Variants in KLHL3 observed in about 807,000 individuals in gnomAD.
The protein encoded by KLHL3 is kelch-like protein 3.
Under a neutral mutation model 70.5 loss-of-function variants are expected in KLHL3, and 19 were observed. That is an observed-to-expected ratio of 0.27 (90% CI 0.19 to 0.40). The LOEUF (loss-of-function observed/expected upper bound fraction) is 0.40, where lower values mean the gene tolerates loss of function less well. Among genes scored for constraint, KLHL3 ranks in the 10% least tolerant of loss-of-function variants. The probability of loss-of-function intolerance (pLI) is 1.00; values close to 1 mark genes in which losing one functional copy is unlikely to be tolerated. For synonymous variants in KLHL3, 258 were observed against 290.3 expected (o/e 0.89, Z 1.13); for missense variants, 512 against 771.1 (o/e 0.66, Z 3.98).
chr5:137,688,803 G>C (rs1226218968), intron 5 of KLHL3, among the ~76,000 whole-genome samples: 1 of 152,200 alleles, frequency 6.6e-6, no homozygotes, highest in Non-Finnish European at 1.5e-5. Context: ...CCAATAAAAT[G>C]CTTAGCATAG....
chr5:137,729,466 C>T (rs1162164749), intron 1 of KLHL3, among the ~76,000 whole-genome samples: 2 of 152,182 alleles, frequency 1.3e-5, no homozygotes, highest in Non-Finnish European at 2.9e-5. Context: ...TCTGTAAATA[C>T]TCCAATGCCA....
At chr5:137,649,426 T>C (rs1312431141) in intron 8 of KLHL3, among the ~76,000 whole-genome samples, 4 of 152,216 alleles carry the variant, frequency 2.6e-5, no homozygotes, top group Admixed American at 2.6e-4. Context: ...GAGGCCCACA[T>C]GGCAAGAAAC....
At chr5:137,636,945 C>T (rs10479162) in intron 11 of KLHL3, among the ~76,000 whole-genome samples, 53,776 of 152,010 alleles carry the variant, frequency 0.35, 10,222 homozygotes, top group East Asian at 0.54. Context: ...CACTCTACTA[C>T]ATTATCCTCC....
intron 8 of KLHL3, among the ~76,000 whole-genome samples, chr5:137,644,781 T>C (rs1296989258): frequency 2.0e-5 from 3 of 152,188 alleles, no homozygotes; most frequent in African/African-American, 7.2e-5. Flanking sequence ...TTCTAAAATA[T>C]TGAAAGGGAG....
At chr5:137,662,175 T>A in intron 6 of KLHL3, 144 bp from the exon 7 acceptor site, 1 of 602,490 alleles carries the variant, frequency 1.7e-6, no homozygotes, top group South Asian at 2.1e-5. Flanking sequence ...GAGACTCATA[T>A]TTAAAATAAA....
chr5:137,662,450 C>T (rs1189653426), intron 6 of KLHL3, among the ~76,000 whole-genome samples: 1 of 152,184 alleles, frequency 6.6e-6, no homozygotes, highest in East Asian at 1.9e-4. Flanking sequence ...CGTCATCTCC[C>T]CATGCCCCCG....
chr5:137,720,853 C>T (rs1752983223), intron 1 of KLHL3: 5 of 1,262,344 alleles, frequency 4.0e-6, no homozygotes, highest in Non-Finnish European at 5.0e-6. Context: ...TCCATCTCTC[C>T]ATCCTGAAAA....
intron 1 of KLHL3, among the ~76,000 whole-genome samples, chr5:137,728,238 C>T (rs1330984479): frequency 6.6e-6 from 1 of 152,204 alleles, no homozygotes; most frequent in African/African-American, 2.4e-5. Context: ...CTCCAGCACA[C>T]TGCTGCCCCC....
chr5:137,706,493 G>T, intron 3 of KLHL3: 1 of 480,496 alleles, frequency 2.1e-6, no homozygotes, highest in Non-Finnish European at 2.7e-6. Context: ...GATCAATGCG[G>T]CACATGTCTC....
intron 4 of KLHL3, among the ~76,000 whole-genome samples, chr5:137,693,863 T>C (rs1303772862): frequency 7.0e-6 from 1 of 142,034 alleles, no homozygotes; most frequent in Non-Finnish European, 1.5e-5. Flanking sequence ...AAAGACTTCT[T>C]TTTTTTTTTT....
intron 2 of KLHL3, among the ~76,000 whole-genome samples, chr5:137,711,783 G>A (rs1238220059): frequency 6.6e-6 from 1 of 152,060 alleles, no homozygotes; most frequent in Admixed American, 6.6e-5. Context: ...ATCTGAAAAT[G>A]GCCTTTAGTC....
At chr5:137,635,149 A>G (rs1750736741) in intron 11 of KLHL3, among the ~76,000 whole-genome samples, 1 of 152,186 alleles carries the variant, frequency 6.6e-6, no homozygotes, top group African/African-American at 2.4e-5. Flanking sequence ...CAATTATTTT[A>G]AGTTAGAAAG....
intron 3 of KLHL3, among the ~76,000 whole-genome samples, chr5:137,704,842 T>C (rs765666257): frequency 1.3e-5 from 2 of 152,178 alleles, no homozygotes; most frequent in African/African-American, 2.4e-5. Flanking sequence ...TCTGGGTCTC[T>C]TGAGCCAGAA....
chr5:137,698,533 A>C, intron 3 of KLHL3, 125 bp from the exon 4 acceptor site: 1 of 1,068,490 alleles, frequency 9.4e-7, no homozygotes. Context: ...AGGCAGCAGA[A>C]GGGATTCAGG....
chr5:137,689,270 T>A (rs192177536), intron 5 of KLHL3, among the ~76,000 whole-genome samples: 35 of 152,378 alleles, frequency 2.3e-4, no homozygotes, highest in Admixed American at 3.9e-4. Flanking sequence ...GAAAACAGTC[T>A]GGAGATTTCT....
At position 137,639,223 on chromosome 5, in the gene KLHL3, AG is replaced by A. The variant is rs1750848188; in HGVS notation, c.1022-74del. 1 of 1,450,738 alleles carries A rather than the reference AG, an allele frequency of 6.9e-7. No homozygotes were observed. Among genetic ancestry groups the A allele is most frequent in the Admixed American group, 1.8e-5 (1 of 54,206 alleles). 89.9% of individuals were successfully genotyped at this position (1,450,738 alleles called of 1,614,324 possible). A position where few individuals can be genotyped will look rare whatever the true frequency, so the allele number is the denominator to read the frequency against. On this transcript the variant is annotated intron_variant, in intron 9 of 14. Transcript: ENST00000309755. The surrounding 1 kb of genome is among the most constrained non-coding windows in gnomAD (Gnocchi z 5.0). Reference sequence around the variant, plus strand: ...TGCTCATGTTGATGGATGGCAATGGAGGAGCAAGACAGACACAGGAAAAGTC... The same window carrying A: ...TGCTCATGTTGATGGATGGCAATGGAGAGCAAGACAGACACAGGAAAAGTC...
rs1580788559 is a variant in KLHL3, at chr5:137,724,662, T to C, written c.15-4078A>G. Among the ~76,000 whole-genome samples, 2 of 152,326 alleles carry C rather than the reference T, an allele frequency of 1.3e-5. 1 individual carries two copies. ...TCCACTCTTGATGCACAGGCAAGGCTTGACATCTGAAGGAAGCCAAGGTTC... is the reference window on the plus strand; with the variant it reads ...TCCACTCTTGATGCACAGGCAAGGCCTGACATCTGAAGGAAGCCAAGGTTC... On this transcript the variant is annotated intron_variant, in intron 1 of 14. Coordinates refer to ENST00000309755, the MANE Select transcript of KLHL3 (RefSeq NM_017415.3).
rs62620694 is a variant in KLHL3 at position 137,706,033 on chromosome 5, G to T, written c.241+3717C>A. The T allele has an allele frequency of 5.2e-3, 5,123 of 985,388 alleles. 184 individuals carry two copies. In the African/African-American group the frequency reaches 0.078, roughly 15 times the overall value. The allele number at this position is 985,388 out of a possible 1,614,324, so 61.0% of individuals were successfully genotyped here. On this transcript the variant is annotated intron_variant, in intron 3 of 14. Transcript: ENST00000309755. ...GACTGGTTGGATTGGGACACTCTCT[G>T]ATGGGCACTCAGACTTCAGTTTCAC...
chr5:137,646,529 G>A (rs1001926772), intron 8 of KLHL3, among the ~76,000 whole-genome samples: 2 of 152,116 alleles, frequency 1.3e-5, no homozygotes, highest in African/African-American at 4.8e-5. Context: ...CAAGCAGTTA[G>A]GCAAATACGA....
Sources: allele counts gnomAD v4.1 joint callset (sites outside exome capture counted in the v4.1 genomes callset), GRCh38; gene constraint gnomAD v4.1.1; non-coding constraint Gnocchi (gnomAD v3.1); transcripts MANE v1.5; gene names NCBI Gene and HGNC (gene_info 2026-07-23, HGNC 2026-07-21).